Variants in MCF2L observed in about 807,000 individuals in gnomAD.
MCF2L encodes guanine nucleotide exchange factor DBS.
MCF2L carries 97 observed loss-of-function variants against 153.4 expected under a neutral mutation model. The ratio of observed to expected loss-of-function variants is 0.63; its 90% CI spans 0.54 to 0.75. MCF2L has a LOEUF of 0.75. Among genes scored for constraint, MCF2L ranks in the 30% least tolerant of loss-of-function variants. MCF2L has a pLI of 0.00. For missense variants in MCF2L, 1,347 were observed against 1,495.2 expected (o/e 0.90, Z 1.64); for synonymous variants, 659 against 632.2 (o/e 1.04, Z -0.64).
At chr13:113,040,303 A>C (rs1330513696) in intron 3 of MCF2L, 1 of 152,222 alleles carries the variant, frequency 6.6e-6, no homozygotes, top group African/African-American at 2.4e-5. Context: ...TAATTGGACA[A>C]AGTATTCACA....
At chr13:113,091,919 G>C (rs1212516111) in intron 26 of MCF2L, among the ~76,000 whole-genome samples, 1 of 152,174 alleles carries the variant, frequency 6.6e-6, no homozygotes, top group Admixed American at 6.5e-5. Flanking sequence ...CGCCTCCACA[G>C]CCTCCTCACA....
At chr13:112,917,014 C>T (rs1228355860) in intron 2 of MCF2L, 4 of 464,386 alleles carry the variant, frequency 8.6e-6, no homozygotes, top group South Asian at 3.2e-5. Context: ...CAGTCATCCT[C>T]CCTCATCGCC....
intron 29 of MCF2L, 33 bp downstream of exon 29, chr13:113,096,686 C>T: frequency 1.9e-6 from 3 of 1,562,878 alleles, no homozygotes; most frequent in Non-Finnish European, 2.6e-6. Context: ...CCACCCGTGA[C>T]GCTGCCAAGG....
At position 113,010,676 on chromosome 13, in the gene MCF2L, C is replaced by CCCACA. The variant is rs1376511829; in HGVS notation, c.80-4086_80-4085insCACAC. 2.0e-3 allele frequency among the ~76,000 whole-genome samples: 304 copies of CCCACA among 152,350 alleles called. 2 individuals are homozygous for CCCACA. Among genetic ancestry groups the CCCACA allele is most frequent in the African/African-American group, 6.7e-3 (280 of 41,590 alleles). The stretch of plus-strand genomic sequence containing the variant: ...AGGGGAATGGACGGGGCAGCCTCTG[C>CCCACA]CGGGCCTCAGATGTGAGGCCCTAAC... On this transcript the variant is annotated intron_variant, in intron 1 of 29. Transcript: ENST00000535094.
chr13:112,903,468 C>T (rs2140499873), intron 2 of MCF2L, among the ~76,000 whole-genome samples: 1 of 152,304 alleles, frequency 6.6e-6, no homozygotes, highest in South Asian at 2.1e-4. Flanking sequence ...CTTCAGAGCT[C>T]AGCTCTGTGT....
chr13:112,963,797 G>T (rs2081861311), intron 2 of MCF2L, among the ~76,000 whole-genome samples: 2 of 152,202 alleles, frequency 1.3e-5, no homozygotes, highest in African/African-American at 4.8e-5. Context: ...GAGATACAGG[G>T]AGACGGGCTC....
chr13:112,980,066 G>T (rs1378840523), intron 1 of MCF2L, among the ~76,000 whole-genome samples: 1 of 152,192 alleles, frequency 6.6e-6, no homozygotes, highest in African/African-American at 2.4e-5. Context: ...GGCAGTGGTG[G>T]GTTTAATGAG....
chr13:112,951,107 G>A lies in MCF2L; in HGVS notation c.169+48736G>A, dbSNP rs554033501. On this transcript the variant is annotated intron_variant, in intron 2 of 29. Coordinates refer to the MCF2L transcript ENST00000375608. This position sits in a 1 kb window ranked among gnomAD's most constrained non-coding sequence, Gnocchi z 4.8. ...CACAGTGAGGGCAGAAGAGCACACGGAAAGGTGTCAGTCAATAGTAGCCAG... is the reference window on the plus strand; with the variant it reads ...CACAGTGAGGGCAGAAGAGCACACGAAAAGGTGTCAGTCAATAGTAGCCAG... Among the ~76,000 whole-genome samples the A allele has an allele frequency of 3.3e-5, 5 of 152,314 alleles. No homozygotes were observed. The highest frequency in any genetic ancestry group is 1.3e-4 in the Admixed American group (2 of 15,302).
At chr13:113,058,463 G>A (rs191155584) in intron 4 of MCF2L, among the ~76,000 whole-genome samples, 1 of 150,842 alleles carries the variant, frequency 6.6e-6, no homozygotes, top group East Asian at 2.0e-4. Flanking sequence ...CTGAGTGGGT[G>A]CTGAGTGCTT....
At chr13:113,008,459 A>C (rs2083857907) in intron 1 of MCF2L, among the ~76,000 whole-genome samples, 1 of 152,342 alleles carries the variant, frequency 6.6e-6, no homozygotes, top group Non-Finnish European at 1.5e-5. Flanking sequence ...GGTTAAATTC[A>C]GTGCCGTAAC....
At chr13:113,011,470 A>G (rs186327946) in intron 1 of MCF2L, among the ~76,000 whole-genome samples, 1 of 150,746 alleles carries the variant, frequency 6.6e-6, no homozygotes, top group Non-Finnish European at 1.5e-5. Flanking sequence ...TGCAGTGCAG[A>G]TGGTGGACAG....
rs1038499395 is a variant in MCF2L at position 112,979,536 on chromosome 13, C to T, written c.79+10078C>T. The T allele has an allele frequency of 7.3e-6, 11 of 1,506,828 alleles. No homozygotes were observed. The South Asian group carries it at 1.4e-4, about 19-fold the overall frequency. 93.3% of individuals were successfully genotyped at this position (1,506,828 alleles called of 1,614,324 possible). On this transcript the variant is annotated intron_variant, in intron 1 of 29. Coordinates refer to ENST00000535094, the MANE Select transcript of MCF2L (RefSeq NM_001112732.3). ...CCTGTCTCTTGTGACCATGCGGCAC[C>T]CGCCCGGCTTTTAGCTGTCGCAGCA... is the stretch of plus-strand genomic sequence containing the variant.
At position 113,084,872 on chromosome 13, in the gene MCF2L, G is replaced by T; in HGVS notation, c.2062-20G>T. 1 of 1,593,350 alleles carries T rather than the reference G, an allele frequency of 6.3e-7. No homozygotes were observed. The highest frequency in any genetic ancestry group is 1.1e-5 in the South Asian group (1 of 90,660). Reference sequence around the variant, plus strand: ...TGCCCATCCCTCACTGCGTGATGCGGTGCCTGTCCCTCGGTGCAGATGGAA... The same window carrying T: ...TGCCCATCCCTCACTGCGTGATGCGTTGCCTGTCCCTCGGTGCAGATGGAA... On this transcript the variant is annotated intron_variant, in intron 18 of 29. Transcript: ENST00000535094.
chr13:113,018,683 C>T (rs908829726), intron 2 of MCF2L, among the ~76,000 whole-genome samples: 1 of 152,214 alleles, frequency 6.6e-6, no homozygotes, highest in Non-Finnish European at 1.5e-5. Flanking sequence ...GAGCTAAAAA[C>T]AGGGCGGGAG....
At chr13:113,094,172 G>A (rs541476899) in intron 26 of MCF2L, 2 of 183,932 alleles carry the variant, frequency 1.1e-5, no homozygotes, top group East Asian at 1.6e-4. Flanking sequence ...ACACCTGCCT[G>A]GGAGGGCATC....
chr13:113,024,577 C>A, intron 2 of MCF2L, 67 bp from the exon 3 acceptor site: 1 of 973,304 alleles, frequency 1.0e-6, no homozygotes, highest in Non-Finnish European at 1.6e-6. Flanking sequence ...GAAAACGGGC[C>A]GACATCTGTG....
At chr13:112,917,686 C>T (rs1336904881) in intron 2 of MCF2L, among the ~76,000 whole-genome samples, 1 of 152,270 alleles carries the variant, frequency 6.6e-6, no homozygotes, top group East Asian at 1.9e-4. Flanking sequence ...GATGTTCTTT[C>T]AGGCCCTCCT....
At chr13:112,945,006 T>TTTC (rs1272168887) in intron 2 of MCF2L, among the ~76,000 whole-genome samples, 2 of 151,344 alleles carry the variant, frequency 1.3e-5, no homozygotes, top group East Asian at 3.9e-4. Flanking sequence ...CCACTATTTT[T>TTTC]TTTTTTTTTT....
intron 2 of MCF2L, among the ~76,000 whole-genome samples, chr13:112,938,494 G>A (rs2081545021): frequency 6.6e-6 from 1 of 152,184 alleles, no homozygotes; most frequent in African/African-American, 2.4e-5. Flanking sequence ...GTCCACATTT[G>A]TTCACAATTT....
Sources: gnomAD v4.1 joint callset for allele counts (sites outside exome capture counted in the v4.1 genomes callset) on GRCh38, gnomAD v4.1.1 for gene constraint, Gnocchi (gnomAD v3.1) non-coding constraint, MANE v1.5 for transcripts, NCBI Gene and HGNC (gene_info 2026-07-23, HGNC 2026-07-21) for gene names.